The following WWP2 variants were observed in gnomAD, a reference collection of about 807,000 sequenced individuals.
The protein encoded by WWP2 is NEDD4-like E3 ubiquitin-protein ligase WWP2.
In WWP2, 57 loss-of-function variants were observed where a neutral mutation model predicts 121.0. The ratio of observed to expected loss-of-function variants is 0.47; its 90% CI spans 0.38 to 0.59. WWP2 has a LOEUF of 0.59. WWP2 is among the 20% of genes least tolerant of loss of function. The pLI, the probability that WWP2 is intolerant of heterozygous loss-of-function variation, is 0.00. For synonymous variants in WWP2, 449 were observed against 441.3 expected (o/e 1.02, Z -0.22); for missense variants, 962 against 1,158.9 (o/e 0.83, Z 2.47).
intron 19 of WWP2, 176 bp from the exon 20 acceptor site, chr16:69,936,942 G>A (rs893128389): frequency 3.8e-6 from 3 of 783,396 alleles, no homozygotes; most frequent in Non-Finnish European, 5.8e-6. Context: ...GTGTCTGCAG[G>A]TCACTGTGAG....
At position 69,871,709 on chromosome 16, in the gene WWP2, T is replaced by C. The variant is rs2057639411; in HGVS notation, c.576-95T>C. 2.6e-6 allele frequency: 4 copies of C among 1,538,528 alleles called. No individual in the cohort carries two copies. In the Admixed American group the frequency reaches 5.6e-5, roughly 21 times the overall value. ...TATTAAAGGTCTTGTTTCCAATAAA[T>C]GGCAGGAGAAGGGAATATGATGACT... On this transcript the variant is annotated intron_variant, in intron 6 of 23. Transcript: ENST00000359154.
intron 4 of WWP2, among the ~76,000 whole-genome samples, chr16:69,836,735 C>T (rs2056883150): frequency 3.3e-5 from 5 of 152,128 alleles, no homozygotes; most frequent in Admixed American, 6.5e-5. Context: ...CCACTTCAGC[C>T]TCCCAGGTAG....
chr16:69,825,652 G>T (rs2056673667), intron 4 of WWP2, among the ~76,000 whole-genome samples: 1 of 150,236 alleles, frequency 6.7e-6, no homozygotes, highest in South Asian at 2.1e-4. Context: ...TGGATACAGG[G>T]TTTTGTTCTG....
chr16:69,910,931 A>C (rs2058370322), intron 9 of WWP2, among the ~76,000 whole-genome samples: 1 of 152,178 alleles, frequency 6.6e-6, no homozygotes, highest in African/African-American at 2.4e-5. Flanking sequence ...TACGCCCTGC[A>C]TAGCTTACTA....
chr16:69,798,941 C>T, intron 3 of WWP2, 112 bp downstream of exon 3: 1 of 1,478,512 alleles, frequency 6.8e-7, no homozygotes. Flanking sequence ...CTTTTTCTAC[C>T]TATGGTACCC....
rs753038154 is a variant in WWP2, at chr16:69,888,185, C to T, written c.850C>T (p.Pro284Ser). The change falls in exon 8 of 24, where the codon CCC (proline) becomes TCC (serine). Residue 284 changes from proline to serine, a missense_variant. By Grantham distance (74) the Pro-to-Ser change is moderately conservative. Transcript: ENST00000359154. ...AGCCACACCGGCTGAAGGAGAGGAA[C>T]CCAGCACTTCGGGTACACAGCAGCT... ...APATPAEGEE[P>S]STSGTQQLPA... The T allele has an allele frequency of 7.4e-6, 12 of 1,614,208 alleles. No homozygotes were observed. The South Asian group carries it at 1.2e-4, about 16-fold the overall frequency.
intron 9 of WWP2, among the ~76,000 whole-genome samples, chr16:69,916,615 C>T (rs2058482919): frequency 6.6e-6 from 1 of 152,108 alleles, no homozygotes; most frequent in African/African-American, 2.4e-5. Flanking sequence ...AAGCAGCAGT[C>T]AGGCTGAATG....
intron 4 of WWP2, among the ~76,000 whole-genome samples, chr16:69,837,017 G>A (rs1430584074): frequency 6.6e-6 from 1 of 152,074 alleles, no homozygotes; most frequent in African/African-American, 2.4e-5. Flanking sequence ...TCGACCTCCC[G>A]GGCTCAGGTG....
chr16:69,834,695 G>C (rs2056845826), intron 4 of WWP2, among the ~76,000 whole-genome samples: 1 of 150,706 alleles, frequency 6.6e-6, no homozygotes, highest in African/African-American at 2.4e-5. Flanking sequence ...CCCAGCTCAT[G>C]TTTTGTATTT....
chr16:69,864,138 AG>A (rs1567389809), intron 6 of WWP2, among the ~76,000 whole-genome samples: 1 of 152,108 alleles, frequency 6.6e-6, no homozygotes, highest in Non-Finnish European at 1.5e-5. Flanking sequence ...GAGGCCAAGG[AG>A]GGTAGATTGC....
At chr16:69,790,635 G>A (rs2055889803) in intron 2 of WWP2, among the ~76,000 whole-genome samples, 1 of 152,132 alleles carries the variant, frequency 6.6e-6, no homozygotes, top group Admixed American at 6.5e-5. Context: ...GGGTGCAGTG[G>A]TGTGATCTTG....
At chr16:69,801,281 G>C (rs1036416401) in intron 4 of WWP2, among the ~76,000 whole-genome samples, 1 of 150,786 alleles carries the variant, frequency 6.6e-6, no homozygotes, top group Non-Finnish European at 1.5e-5. Context: ...ACTCAGGCTG[G>C]AGTGCAGTGG....
At chr16:69,870,561 A>G (rs2057615926) in intron 6 of WWP2, among the ~76,000 whole-genome samples, 1 of 152,156 alleles carries the variant, frequency 6.6e-6, no homozygotes, top group African/African-American at 2.4e-5. Flanking sequence ...TTGGCCTCCC[A>G]AAGTGTTAGG....
intron 1 of WWP2, among the ~76,000 whole-genome samples, chr16:69,783,961 A>G (rs984978436): frequency 1.3e-5 from 2 of 152,100 alleles, no homozygotes; most frequent in African/African-American, 2.4e-5. Flanking sequence ...TCTCTAAAAA[A>G]CATAAGATAC....
At position 69,779,795 on chromosome 16, in the gene WWP2, CCT is replaced by C. The variant is rs368668201; in HGVS notation, c.-15-7200_-15-7199del. On this transcript the variant is annotated intron_variant, in intron 1 of 23. Transcript: ENST00000359154. The stretch of plus-strand genomic sequence containing the variant: ...ATTTCCAGCGTTTAGTGCTTTAACC[CCT>C]GTTAACTAAAAGCCCCAAGGCTCAA... Among the ~76,000 whole-genome samples, 291 of 152,132 alleles carry C rather than the reference CCT, an allele frequency of 1.9e-3. 1 individual carries two copies. The highest frequency in any genetic ancestry group is 6.7e-3 in the African/African-American group (278 of 41,504).
chr16:69,937,312 G>T lies in WWP2; in HGVS notation c.2238+74G>T. 6.3e-7 allele frequency: 1 copy of T among 1,580,694 alleles called. No individual in the cohort carries two copies. Among genetic ancestry groups the T allele is most frequent in the Admixed American group, 1.7e-5 (1 of 58,020 alleles). ...TCCTGCTCTGTGATACGCTCACTGT[G>T]TACCCACAGACACTCAGCGTAAAAC... is the stretch of plus-strand genomic sequence containing the variant. On this transcript the variant is annotated intron_variant, in intron 20 of 23. Coordinates refer to ENST00000359154, the MANE Select transcript of WWP2 (RefSeq NM_001270454.2). This position sits in a 1 kb window ranked among gnomAD's most constrained non-coding sequence, Gnocchi z 6.6.
chr16:69,923,962 A>C (rs1014351684), intron 10 of WWP2, among the ~76,000 whole-genome samples: 1 of 151,420 alleles, frequency 6.6e-6, no homozygotes, highest in African/African-American at 2.4e-5. Flanking sequence ...GATTTTTTTC[A>C]GTAATGATTC....
rs188944925 is a variant in WWP2, at chr16:69,796,241, T to C, written c.71-2441T>C. Among the ~76,000 whole-genome samples the C allele has an allele frequency of 2.0e-5, 3 of 152,174 alleles. No homozygotes were observed. In the East Asian group the frequency reaches 5.8e-4, roughly 29 times the overall value. ...TTACTCTCAGAGTTTCAGGAAAAAG[T>C]GTGTATGTGTATGAGCGCAGATACT... is the stretch of plus-strand genomic sequence containing the variant. On this transcript the variant is annotated intron_variant, in intron 2 of 23. Transcript: ENST00000359154.
chr16:69,818,746 C>T (rs774687229), intron 4 of WWP2, among the ~76,000 whole-genome samples: 3 of 152,130 alleles, frequency 2.0e-5, no homozygotes, highest in Non-Finnish European at 4.4e-5. Context: ...CACTCTCATT[C>T]AGTCTCCCTT....
Sources: gnomAD v4.1 joint callset for allele counts (sites outside exome capture counted in the v4.1 genomes callset) on GRCh38, gnomAD v4.1.1 for gene constraint, Gnocchi (gnomAD v3.1) non-coding constraint, MANE v1.5 for transcripts, NCBI Gene and HGNC (gene_info 2026-07-23, HGNC 2026-07-21) for gene names.